Variants in PREPL observed in about 807,000 individuals in gnomAD.
PREPL encodes prolyl endopeptidase-like.
Under a neutral mutation model 70.6 loss-of-function variants are expected in PREPL, and 77 were observed. That is an observed-to-expected ratio of 1.09 (90% confidence interval 0.91 to 1.32). PREPL has a LOEUF of 1.32. PREPL is among the 40% of genes most tolerant of loss of function. PREPL has a pLI of 0.00. For synonymous variants in PREPL, 315 were observed against 264.8 expected, an observed-to-expected ratio of 1.19 and a Z score of -1.84; for missense variants, 1,002 against 778.2, an observed-to-expected ratio of 1.29 and a Z score of -3.42.
Position 44,321,201 on chromosome 2 carries a change from G to C in PREPL, c.*155C>G. 3.0e-6 allele frequency: 2 copies of C among 660,428 alleles called. No homozygotes were observed. The highest frequency in any genetic ancestry group is 4.0e-5 in the South Asian group (2 of 49,502). The allele number at this position is 660,428 out of a possible 1,614,324, so 40.9% of individuals were successfully genotyped here. ...TGGAGAGAATAGTATAAGCAAGTGAGATGTAGACTAAGCAAAATTTAGATG... is the reference window on the plus strand; with the variant it reads ...TGGAGAGAATAGTATAAGCAAGTGACATGTAGACTAAGCAAAATTTAGATG... On this transcript the variant is annotated 3_prime_UTR_variant, in exon 14 of 14. Coordinates refer to ENST00000409411, the MANE Select transcript of PREPL (RefSeq NM_001171613.2).
chr2:44,344,179 G>T (rs1675528180), intron 3 of PREPL, among the ~76,000 whole-genome samples: 1 of 151,944 alleles, frequency 6.6e-6, no homozygotes, highest in Non-Finnish European at 1.5e-5. Context: ...GACATTATTT[G>T]ATATTGTTAT....
intron 1 of PREPL, among the ~76,000 whole-genome samples, chr2:44,358,268 T>G (rs1677264246): frequency 6.6e-6 from 1 of 152,136 alleles, no homozygotes; most frequent in Non-Finnish European, 1.5e-5. Flanking sequence ...CAGATGAACT[T>G]TGAAAGCCAC....
rs1368978730 is a variant in PREPL, at chr2:44,320,610, G to T, written c.*746C>A. ...TTCCAATCGAGCATGCTATTCCAGT[G>T]TACTGAACATACTGTATACCTCGTG... is the stretch of plus-strand genomic sequence containing the variant. On this transcript the variant is annotated 3_prime_UTR_variant, in exon 14 of 14. Transcript: ENST00000409411. 2 of 1,613,908 alleles carry T rather than the reference G, an allele frequency of 1.2e-6. No individual in the cohort carries two copies. Among genetic ancestry groups the T allele is most frequent in the South Asian group, 2.2e-5 (2 of 91,072 alleles).
intron 12 of PREPL, 147 bp downstream of exon 12, chr2:44,322,584 A>T: frequency 9.5e-7 from 1 of 1,047,740 alleles, no homozygotes; most frequent in Non-Finnish European, 1.4e-6. Flanking sequence ...CGTACACTTT[A>T]ACTGGGGAGT....
intron 2 of PREPL, among the ~76,000 whole-genome samples, chr2:44,345,843 A>C: frequency 6.6e-6 from 1 of 152,310 alleles, no homozygotes; most frequent in East Asian, 1.9e-4. Context: ...AGAATGATTA[A>C]AAAATTTTTA....
chr2:44,346,104 A>C (rs973798073), intron 2 of PREPL, among the ~76,000 whole-genome samples, 164 bp downstream of exon 2: 21 of 152,048 alleles, frequency 1.4e-4, no homozygotes, highest in African/African-American at 4.8e-4. Flanking sequence ...ACATTCTGTG[A>C]TCACAATCTC....
intron 1 of PREPL, among the ~76,000 whole-genome samples, chr2:44,355,340 G>A (rs1439609217): frequency 5.3e-5 from 8 of 152,148 alleles, no homozygotes; most frequent in Non-Finnish European, 1.0e-4. Context: ...TTGAGGCTGG[G>A]CTTCCAGACC....
At chr2:44,335,781 A>T (rs537258646) in intron 7 of PREPL, among the ~76,000 whole-genome samples, 17 of 152,210 alleles carry the variant, frequency 1.1e-4, no homozygotes, top group Admixed American at 7.2e-4. Context: ...AAATATTTAC[A>T]AACTATGCAT....
chr2:44,337,869 T>C (rs991999950), intron 7 of PREPL, among the ~76,000 whole-genome samples: 7 of 152,158 alleles, frequency 4.6e-5, no homozygotes, highest in Non-Finnish European at 8.8e-5. Context: ...CAAAGTTTGT[T>C]CCCTGCATCC....
chr2:44,320,382 G>T lies in PREPL; in HGVS notation c.*974C>A. ...CTTTATCGTGGTTCTGAATTTTGGA[G>T]AATCAACACTGTTAAATCTACATAA... On this transcript the variant is annotated 3_prime_UTR_variant, in exon 14 of 14. Transcript: ENST00000409411. The T allele has an allele frequency of 6.2e-7, 1 of 1,614,048 alleles. No homozygotes were observed. The highest frequency in any genetic ancestry group is 8.5e-7 in the Non-Finnish European group (1 of 1,179,944).
intron 8 of PREPL, among the ~76,000 whole-genome samples, chr2:44,329,933 A>C (rs1487793817): frequency 2.0e-5 from 3 of 152,218 alleles, no homozygotes; most frequent in African/African-American, 7.2e-5. Context: ...CCGTTTACAT[A>C]AAGAAAATAA....
intron 1 of PREPL, among the ~76,000 whole-genome samples, chr2:44,358,655 G>A (rs887703091): frequency 6.6e-6 from 1 of 152,150 alleles, no homozygotes; most frequent in African/African-American, 2.4e-5. Flanking sequence ...GTAGGCTGGA[G>A]CTGTGCCAGG....
chr2:44,338,945 AAT>A (rs1674926486), intron 6 of PREPL, among the ~76,000 whole-genome samples, 200 bp downstream of exon 6: 1 of 152,254 alleles, frequency 6.6e-6, no homozygotes, highest in African/African-American at 2.4e-5. Flanking sequence ...CTCAGGACAG[AAT>A]ATGTTTTATT....
At chr2:44,322,929 T>C (rs1197499367) in intron 11 of PREPL, 75 bp from the exon 12 acceptor site, 16 of 1,534,482 alleles carry the variant, frequency 1.0e-5, no homozygotes, top group Non-Finnish European at 1.4e-5. Flanking sequence ...CTATGAAAAA[T>C]AATTACCTCC....
intron 10 of PREPL, 39 bp from the exon 11 acceptor site, chr2:44,323,450 G>C (rs368975382): frequency 1.3e-6 from 2 of 1,498,896 alleles, no homozygotes; most frequent in East Asian, 2.3e-5. Flanking sequence ...TCAAGTAAGA[G>C]GTTGGTAAGT....
chr2:44,356,889 C>T lies in PREPL; in HGVS notation c.-49+4491G>A, dbSNP rs368485747. Among the ~76,000 whole-genome samples, 14 of 141,216 alleles carry T rather than the reference C, an allele frequency of 9.9e-5. No individual in the cohort carries two copies. The East Asian group carries it at 2.3e-3, about 24-fold the overall frequency. 92.6% of individuals were successfully genotyped at this position (141,216 alleles called of 152,430 possible). A position where few individuals can be genotyped will look rare whatever the true frequency, so the allele number is the denominator to read the frequency against. On this transcript the variant is annotated intron_variant, in intron 1 of 13. Transcript: ENST00000409411. ...CTGTGCCTCAACCTCACTGCAGCCT[C>T]GACCTCCCAGGCTGAATCAATCATC... is the stretch of plus-strand genomic sequence containing the variant.
chr2:44,339,008 G>C (rs1020590008), intron 6 of PREPL, 139 bp downstream of exon 6: 3 of 1,372,006 alleles, frequency 2.2e-6, no homozygotes, highest in African/African-American at 1.5e-5. Flanking sequence ...AGCTCTAAGG[G>C]AAAAGAAATG....
chr2:44,344,614 A>C (rs921748885), intron 2 of PREPL, 28 bp from the exon 3 acceptor site: 1 of 1,519,654 alleles, frequency 6.6e-7, no homozygotes, highest in African/African-American at 1.4e-5. Flanking sequence ...CAGTTTACTT[A>C]ATAATAATTT....
chr2:44,361,850 G>T, upstream of PREPL: 1 of 1,300,846 alleles, frequency 7.7e-7, no homozygotes, highest in Non-Finnish European at 9.8e-7. Context: ...AAGGAGATGC[G>T]AGTACCGGAA....
Sources: gnomAD v4.1 joint callset for allele counts (sites outside exome capture counted in the v4.1 genomes callset) on GRCh38, gnomAD v4.1.1 for gene constraint, MANE v1.5 for transcripts, NCBI Gene and HGNC (gene_info 2026-07-23, HGNC 2026-07-21) for gene names.